COL4A2: variants seen among roughly 807,000 people sequenced by gnomAD.
COL4A2 encodes the protein collagen type IV alpha 2 chain.
Under a neutral mutation model 200.2 loss-of-function variants are expected in COL4A2, and 99 were observed. The observed-to-expected ratio is 0.49, with a 90% CI of 0.42 to 0.58. The LOEUF is 0.58. Ranked by LOEUF, COL4A2 falls within the 20% of genes least tolerant of loss-of-function variation. The probability of loss-of-function intolerance (pLI) is 0.00; values close to 1 mark genes in which losing one functional copy is unlikely to be tolerated. For missense variants in COL4A2, 1,950 were observed against 2,314.1 expected (o/e 0.84, Z 3.23); for synonymous variants, 897 against 900.6 (o/e 1.00, Z 0.07).
intron 10 of COL4A2, among the ~76,000 whole-genome samples, chr13:110,431,331 T>G (rs1056703329): frequency 6.6e-6 from 1 of 152,160 alleles, no homozygotes; most frequent in African/African-American, 2.4e-5. Context: ...TAACACCAGT[T>G]CCTTGACAGA....
At chr13:110,334,327 A>G (rs957057430) in intron 3 of COL4A2, among the ~76,000 whole-genome samples, 1 of 152,174 alleles carries the variant, frequency 6.6e-6, no homozygotes, top group Admixed American at 6.5e-5. Flanking sequence ...CCCGCATCTA[A>G]CCTGTTGTGA....
chr13:110,319,421 A>C (rs954214922), intron 3 of COL4A2, among the ~76,000 whole-genome samples: 6 of 152,146 alleles, frequency 3.9e-5, no homozygotes, highest in African/African-American at 1.4e-4. Flanking sequence ...AAGCAAGAAA[A>C]CTCAAGAGGC....
chr13:110,507,886 C>T (rs750381674), intron 46 of COL4A2, 49 bp from the exon 47 acceptor site: 15 of 1,574,002 alleles, frequency 9.5e-6, no homozygotes, highest in Admixed American at 6.7e-5. Flanking sequence ...CTGGCAGGTG[C>T]GTCTTCTAGC....
chr13:110,411,020 C>T (rs1170931018), intron 4 of COL4A2, among the ~76,000 whole-genome samples: 1 of 152,222 alleles, frequency 6.6e-6, no homozygotes, highest in Non-Finnish European at 1.5e-5. Flanking sequence ...CTTCTCGATG[C>T]TCTTAAGCCC....
At chr13:110,375,820 ACT>A (rs1246999504) in intron 4 of COL4A2, among the ~76,000 whole-genome samples, 4 of 150,918 alleles carry the variant, frequency 2.7e-5, no homozygotes, top group African/African-American at 9.8e-5. Context: ...ACAGAGTGAG[ACT>A]CTGTCTCAAA....
chr13:110,385,041 G>A (rs999137055), intron 4 of COL4A2, among the ~76,000 whole-genome samples: 1 of 152,140 alleles, frequency 6.6e-6, no homozygotes, highest in Non-Finnish European at 1.5e-5. Context: ...GAGGCAGGCG[G>A]ATCACGAGGT....
At chr13:110,362,579 C>T (rs1485110704) in intron 4 of COL4A2, among the ~76,000 whole-genome samples, 1 of 152,116 alleles carries the variant, frequency 6.6e-6, no homozygotes, top group Non-Finnish European at 1.5e-5. Flanking sequence ...CCTCAGCCTC[C>T]CAAACTTCTG....
intron 47 of COL4A2, among the ~76,000 whole-genome samples, chr13:110,509,260 TATATATATATACACACACAC>T (rs1160477554): frequency 8.2e-6 from 1 of 122,356 alleles, no homozygotes; most frequent in African/African-American, 3.3e-5. Context: ...TATATATATA[TATATATATATACACACACAC>T]ACACACACAC....
At chr13:110,341,410 T>C (rs1876448141) in intron 3 of COL4A2, among the ~76,000 whole-genome samples, 1 of 152,210 alleles carries the variant, frequency 6.6e-6, no homozygotes, top group African/African-American at 2.4e-5. Flanking sequence ...AGTTTGTGGC[T>C]GATTAGGTGT....
intron 22 of COL4A2, among the ~76,000 whole-genome samples, chr13:110,460,498 G>T (rs1247408002): frequency 6.6e-6 from 1 of 152,192 alleles, no homozygotes; most frequent in African/African-American, 2.4e-5. Context: ...AGGATCCTCA[G>T]TTGTTTAAAA....
chr13:110,463,640 C>A (rs940564977), intron 24 of COL4A2, among the ~76,000 whole-genome samples: 3 of 152,212 alleles, frequency 2.0e-5, no homozygotes, highest in Admixed American at 2.0e-4. Flanking sequence ...TCAAGCCATC[C>A]TCCTGCCTCA....
At chr13:110,322,533 A>G (rs775977089) in intron 3 of COL4A2, among the ~76,000 whole-genome samples, 11 of 152,206 alleles carry the variant, frequency 7.2e-5, no homozygotes, top group Non-Finnish European at 1.6e-4. Flanking sequence ...GCGTCAAGAC[A>G]AGGGGAGAAG....
intron 4 of COL4A2, among the ~76,000 whole-genome samples, chr13:110,415,947 A>G (rs954038727): frequency 3.9e-5 from 6 of 152,280 alleles, no homozygotes; most frequent in Non-Finnish European, 7.3e-5. Flanking sequence ...AAGATGACCT[A>G]AGAATACCAG....
chr13:110,431,511 C>G (rs191751862), intron 10 of COL4A2, among the ~76,000 whole-genome samples: 1 of 152,260 alleles, frequency 6.6e-6, no homozygotes, highest in Admixed American at 6.5e-5. Context: ...TGCAAGTAGC[C>G]CCGTCTGTGA....
rs781001561 is a variant in COL4A2, at chr13:110,506,616, TCCCA to T, written c.4594+14_4594+17del. 5.6e-6 allele frequency: 9 copies of T among 1,595,656 alleles called. No individual in the cohort carries two copies. The highest frequency in any genetic ancestry group is 7.7e-6 in the Non-Finnish European group (9 of 1,170,162). On this transcript the variant is annotated intron_variant, in intron 46 of 47. Transcript: ENST00000360467. Reference sequence around the variant, plus strand: ...CACAACCAGGACCTGGGTAGGTACCTCCCACCCGGCCCCCGTTGCCTGCTCAGGG... The same window carrying T: ...CACAACCAGGACCTGGGTAGGTACCTCCCGGCCCCCGTTGCCTGCTCAGGG...
chr13:110,314,782 G>C (rs1594140359), intron 3 of COL4A2, among the ~76,000 whole-genome samples: 1 of 152,326 alleles, frequency 6.6e-6, no homozygotes, highest in East Asian at 1.9e-4. Context: ...TGCCCTCCTG[G>C]GCTGCACAGA....
At chr13:110,432,276 G>T in intron 10 of COL4A2, 49 bp from the exon 11 acceptor site, 1 of 1,571,546 alleles carries the variant, frequency 6.4e-7, no homozygotes, top group Non-Finnish European at 8.6e-7. Flanking sequence ...ATGTTATCTG[G>T]GTCCTGGGGT....
At chr13:110,446,755 A>G (rs1342504146) in intron 17 of COL4A2, 43 bp from the exon 18 acceptor site, 2 of 1,563,208 alleles carry the variant, frequency 1.3e-6, no homozygotes, top group East Asian at 2.3e-5. Flanking sequence ...AAAAACTCCA[A>G]AAGGCTATTC....
At chr13:110,504,751 A>G (rs1248116689) in intron 45 of COL4A2, among the ~76,000 whole-genome samples, 1 of 151,882 alleles carries the variant, frequency 6.6e-6, no homozygotes, top group Non-Finnish European at 1.5e-5. Context: ...GACTACAGGC[A>G]TGTGCCCCCA....
Sources: gnomAD v4.1 joint callset for allele counts (sites outside exome capture counted in the v4.1 genomes callset) on GRCh38, gnomAD v4.1.1 for gene constraint, MANE v1.5 for transcripts, NCBI Gene and HGNC (gene_info 2026-07-23, HGNC 2026-07-21) for gene names.